PCDHGB6: variants seen among roughly 807,000 people sequenced by gnomAD.
PCDHGB6 encodes the protein protocadherin gamma-B6.
Under a neutral mutation model 59.1 loss-of-function variants are expected in PCDHGB6, and 51 were observed. The observed-to-expected ratio is 0.86, with a 90% CI of 0.69 to 1.09. The LOEUF (loss-of-function observed/expected upper bound fraction) is 1.09, where lower values mean the gene tolerates loss of function less well. Among genes scored for constraint, PCDHGB6 ranks in the 50% least tolerant of loss-of-function variants. The probability of loss-of-function intolerance (pLI) is 0.00; values close to 1 mark genes in which losing one functional copy is unlikely to be tolerated. For synonymous variants in PCDHGB6, 466 were observed against 495.1 expected (o/e 0.94, Z 0.78); for missense variants, 1,148 against 1,205.1 (o/e 0.95, Z 0.70).
intron 1 of PCDHGB6, chr5:141,419,386 G>T: frequency 2.5e-6 from 4 of 1,613,650 alleles, no homozygotes; most frequent in Non-Finnish European, 3.4e-6. Context: ...CCGTGAGCGC[G>T]CAGAGCGGGG....
At position 141,409,251 on chromosome 5, in the gene PCDHGB6, C is replaced by T. The variant is rs2095247124; in HGVS notation, c.1049C>T (p.Thr350Ile). ...ENDNSPEIII[T>I]SLSDQILENS... ...GACAACAGCCCAGAAATAATCATCA[C>T]TTCTCTCTCTGATCAGATTTTGGAG... The change falls in exon 1 of 4, where the codon ACT becomes ATT. Residue 350 changes from threonine (T) to isoleucine (I), a missense_variant. This residue lies in a region of PCDHGB6 where 549 missense variants were observed against 527.5 expected (regional missense o/e 1.04). Coordinates refer to ENST00000520790, the MANE Select transcript of PCDHGB6 (RefSeq NM_018926.3). The T allele has an allele frequency of 6.2e-7, 1 of 1,613,922 alleles. No individual in the cohort carries two copies. Among genetic ancestry groups the T allele is most frequent in the Non-Finnish European group, 8.5e-7 (1 of 1,179,910 alleles).
intron 3 of PCDHGB6, among the ~76,000 whole-genome samples, chr5:141,506,298 A>C (rs887906455): frequency 6.6e-6 from 1 of 151,936 alleles, no homozygotes; most frequent in Non-Finnish European, 1.5e-5. Context: ...AAAATACAAA[A>C]ATTAGCTGGG....
Position 141,485,943 on chromosome 5 carries a change from C to A in PCDHGB6, c.2419-8864C>A, listed in dbSNP as rs750871245. The A allele has an allele frequency of 1.9e-6, 3 of 1,614,126 alleles. No individual in the cohort carries two copies. Among genetic ancestry groups the A allele is most frequent in the Non-Finnish European group, 1.7e-6 (2 of 1,180,012 alleles). ...ATTAGTGTGTTGGAGAGCGCACCAG[C>A]GGGCATGGTGCTCATCCAGCTCAAT... is the stretch of plus-strand genomic sequence containing the variant. On this transcript the variant is annotated intron_variant, in intron 1 of 3. Coordinates refer to ENST00000520790, the MANE Select transcript of PCDHGB6 (RefSeq NM_018926.3). The surrounding 1 kb of genome is among the most constrained non-coding windows in gnomAD (Gnocchi z 5.7).
intron 1 of PCDHGB6, chr5:141,419,328 C>T (rs2096360351): frequency 6.2e-7 from 1 of 1,613,954 alleles, no homozygotes. Context: ...GTCTCCTACT[C>T]TCTCATTGCC....
chr5:141,509,699 C>T (rs779592471), intron 3 of PCDHGB6, among the ~76,000 whole-genome samples: 4 of 152,168 alleles, frequency 2.6e-5, no homozygotes, highest in Non-Finnish European at 5.9e-5. Flanking sequence ...GGACGTTGGA[C>T]TGGAGGTGCT....
intron 1 of PCDHGB6, among the ~76,000 whole-genome samples, chr5:141,453,518 C>G (rs1347368114): frequency 6.6e-6 from 1 of 152,114 alleles, no homozygotes; most frequent in African/African-American, 2.4e-5. Context: ...CATTCCTCCC[C>G]TATACCTTCT....
At chr5:141,415,655 T>C (rs780357843) in intron 1 of PCDHGB6, 50 of 1,586,718 alleles carry the variant, frequency 3.2e-5, no homozygotes, top group Non-Finnish European at 4.0e-5. Flanking sequence ...AAAAAAAAGA[T>C]TGGTTTTTAC....
chr5:141,456,942 A>C (rs11737987), intron 1 of PCDHGB6, among the ~76,000 whole-genome samples: 42,405 of 152,066 alleles, frequency 0.28, 6,638 homozygotes, highest in African/African-American at 0.43. Flanking sequence ...CAGCCTGGGC[A>C]ACAGAGCAAA....
Position 141,502,866 on chromosome 5 carries a change from C to CTTTTTTTTTTTTTT in PCDHGB6, c.2478-2526_2478-2513dup, listed in dbSNP as rs549047197. Among the ~76,000 whole-genome samples the CTTTTTTTTTTTTTT allele has an allele frequency of 1.6e-4, 20 of 128,024 alleles. 4 individuals are homozygous for CTTTTTTTTTTTTTT. The highest frequency in any genetic ancestry group is 2.6e-4 in the Admixed American group (3 of 11,660). 84.0% of individuals were successfully genotyped at this position (128,024 alleles called of 152,430 possible). A position where few individuals can be genotyped will look rare whatever the true frequency, so the allele number is the denominator to read the frequency against. The stretch of plus-strand genomic sequence containing the variant: ...GAGCTGCCTAACCCTGACTCTCTGT[C>CTTTTTTTTTTTTTT]TTTTTTTTTTTTTTGACAGGGAGTC... On this transcript the variant is annotated intron_variant, in intron 2 of 3. Transcript: ENST00000520790.
chr5:141,475,577 T>C (rs2099365697), intron 1 of PCDHGB6, among the ~76,000 whole-genome samples: 1 of 152,228 alleles, frequency 6.6e-6, no homozygotes, highest in Non-Finnish European at 1.5e-5. Context: ...ACAAGCCAGA[T>C]TTGTTGGTGT....
intron 3 of PCDHGB6, among the ~76,000 whole-genome samples, chr5:141,507,673 G>A (rs184362608): frequency 6.6e-5 from 10 of 152,368 alleles, no homozygotes; most frequent in Admixed American, 2.6e-4. Context: ...AAATCCAGAT[G>A]TTAAAAACAG....
intron 1 of PCDHGB6, among the ~76,000 whole-genome samples, chr5:141,482,988 G>A (rs982148755): frequency 2.6e-5 from 4 of 152,112 alleles, no homozygotes; most frequent in South Asian, 2.1e-4. Context: ...GAGAGGTCGA[G>A]GCAGGAGAAT....
intron 1 of PCDHGB6, chr5:141,429,167 T>TAC (rs1357037045): frequency 6.6e-5 from 9 of 136,102 alleles, no homozygotes; most frequent in African/African-American, 8.8e-5. Context: ...AGACATTGTT[T>TAC]ATACACACAC....
intron 1 of PCDHGB6, among the ~76,000 whole-genome samples, chr5:141,449,616 G>A (rs1279953840): frequency 1.6e-4 from 24 of 146,738 alleles, no homozygotes; most frequent in Non-Finnish European, 2.3e-4. Flanking sequence ...AAGTAAAAAA[G>A]TTTTTTAAAA....
At chr5:141,419,505 G>C in intron 1 of PCDHGB6, 1 of 1,612,324 alleles carries the variant, frequency 6.2e-7, no homozygotes, top group Non-Finnish European at 8.5e-7. Flanking sequence ...GTGAGCCTGC[G>C]CGTGTTGGTG....
At chr5:141,420,108 A>G (rs780657975) in intron 1 of PCDHGB6, 1 of 1,614,030 alleles carries the variant, frequency 6.2e-7, no homozygotes, top group Non-Finnish European at 8.5e-7. Flanking sequence ...ACGTTGCCCT[A>G]TGCCTATAAT....
chr5:141,445,537 G>A (rs1266179512), intron 1 of PCDHGB6, among the ~76,000 whole-genome samples: 1 of 152,182 alleles, frequency 6.6e-6, no homozygotes, highest in African/African-American at 2.4e-5. Flanking sequence ...AAGCCAACAA[G>A]GAGAAATACA....
chr5:141,426,363 C>T (rs994657779), intron 1 of PCDHGB6: 12 of 202,404 alleles, frequency 5.9e-5, no homozygotes, highest in East Asian at 4.4e-4. Context: ...CTTTGTTCTG[C>T]GGGGCACCCT....
At chr5:141,484,061 G>A (rs570687480) in intron 1 of PCDHGB6, among the ~76,000 whole-genome samples, 8 of 152,124 alleles carry the variant, frequency 5.3e-5, no homozygotes, top group Non-Finnish European at 1.0e-4. Context: ...CTGGGGCTAA[G>A]TGAAAAGCTT....
Sources: allele counts gnomAD v4.1 joint callset (sites outside exome capture counted in the v4.1 genomes callset), GRCh38; gene constraint gnomAD v4.1.1; regional missense constraint gnomAD v4.1.1; non-coding constraint Gnocchi (gnomAD v3.1); transcripts MANE v1.5; gene names NCBI Gene and HGNC (gene_info 2026-07-23, HGNC 2026-07-21).